GSE1: variants seen among roughly 807,000 people sequenced by gnomAD.
GSE1 encodes the protein genetic suppressor element 1.
GSE1 carries 32 observed loss-of-function variants against 112.6 expected under a neutral mutation model. The ratio of observed to expected loss-of-function variants is 0.28; its 90% CI spans 0.21 to 0.38. The LOEUF (loss-of-function observed/expected upper bound fraction) is 0.38, where lower values mean the gene tolerates loss of function less well. Among genes scored for constraint, GSE1 ranks in the 10% least tolerant of loss-of-function variants. GSE1 has a pLI of 1.00. For synonymous variants in GSE1, 1,115 were observed against 735.6 expected (o/e 1.52, Z -8.35); for missense variants, 2,348 against 1,699.2 (o/e 1.38, Z -6.71).
chr16:85,354,075 CTT>C (rs1458765481), intron 1 of GSE1, among the ~76,000 whole-genome samples: 1 of 152,236 alleles, frequency 6.6e-6, no homozygotes, highest in Non-Finnish European at 1.5e-5. Flanking sequence ...TGAAGGCCCA[CTT>C]CACATTCCAG....
intron 1 of GSE1, among the ~76,000 whole-genome samples, chr16:85,322,539 C>G (rs2046130603): frequency 6.6e-6 from 1 of 151,662 alleles, no homozygotes; most frequent in African/African-American, 2.4e-5. Context: ...TTCAGGACCT[C>G]TCTGCCGTGC....
chr16:85,672,470 C>G lies in GSE1; in HGVS notation c.3585C>G (p.His1195Gln). ...ERERLQAELD[H>Q]LRKCLALPAM... ...AGCGGCTCCAGGCAGAACTGGACCACTTACGAAAGTGCCTTGCCTTGCCTG... is the reference window on the plus strand; with the variant it reads ...AGCGGCTCCAGGCAGAACTGGACCAGTTACGAAAGTGCCTTGCCTTGCCTG... Residue 1195 changes from histidine to glutamine, a missense_variant, in exon 16 of 16, where the codon CAC becomes CAG. Coordinates refer to ENST00000253458, the MANE Select transcript of GSE1 (RefSeq NM_014615.5). 3 of 1,611,216 alleles carry G rather than the reference C, an allele frequency of 1.9e-6. No homozygotes were observed. The highest frequency in any genetic ancestry group is 1.7e-4 in the Middle Eastern group (1 of 6,054).
chr16:85,647,298 C>T (rs1351970180), intron 2 of GSE1, among the ~76,000 whole-genome samples: 1 of 152,204 alleles, frequency 6.6e-6, no homozygotes, highest in Non-Finnish European at 1.5e-5. Context: ...CACCCATTCT[C>T]CCATCCCTGC....
At chr16:85,270,720 C>T (rs60800614) in intron 1 of GSE1, among the ~76,000 whole-genome samples, 17,428 of 127,338 alleles carry the variant, frequency 0.14, 3,175 homozygotes, top group African/African-American at 0.38. Flanking sequence ...CTCAGAAGCC[C>T]AGCTCCCGCC....
chr16:85,293,322 C>T (rs2930226), intron 1 of GSE1, among the ~76,000 whole-genome samples: 2,892 of 152,132 alleles, frequency 0.019, 69 homozygotes, highest in African/African-American at 0.065. Flanking sequence ...GAGGCGGGTG[C>T]ATCACTTGAA....
intron 1 of GSE1, among the ~76,000 whole-genome samples, chr16:85,270,794 A>G (rs2144177944): frequency 6.6e-6 from 1 of 152,214 alleles, no homozygotes; most frequent in Middle Eastern, 3.4e-3. Context: ...AGGTCTCGCC[A>G]TCCACTCGGG....
At chr16:85,219,528 C>G (rs1407064642) in intron 1 of GSE1, among the ~76,000 whole-genome samples, 1 of 152,096 alleles carries the variant, frequency 6.6e-6, no homozygotes, top group Non-Finnish European at 1.5e-5. Flanking sequence ...CCACCTTGCA[C>G]TCTCTAGAAA....
chr16:85,454,523 C>T (rs1033060954), intron 2 of GSE1, among the ~76,000 whole-genome samples: 2 of 152,190 alleles, frequency 1.3e-5, no homozygotes, highest in African/African-American at 4.8e-5. Context: ...GGGCAGATGC[C>T]GGATGAGTTT....
chr16:85,267,466 G>C (rs1345646331), intron 1 of GSE1, among the ~76,000 whole-genome samples: 5 of 152,136 alleles, frequency 3.3e-5, no homozygotes, highest in African/African-American at 9.7e-5. Context: ...GACCGTGGGG[G>C]GTGGGGGAAT....
chr16:85,445,768 C>G (rs1023092150), intron 2 of GSE1, among the ~76,000 whole-genome samples: 1 of 152,188 alleles, frequency 6.6e-6, no homozygotes, highest in Non-Finnish European at 1.5e-5. Context: ...TGGTGGGTGG[C>G]TGGCCTGCTC....
At chr16:85,214,530 G>A (rs1038060845) in intron 1 of GSE1, among the ~76,000 whole-genome samples, 3 of 152,170 alleles carry the variant, frequency 2.0e-5, no homozygotes, top group Non-Finnish European at 2.9e-5. Context: ...CAGAGGCAGC[G>A]CGGCCCAGCC....
At chr16:85,657,766 A>G (rs1328763216) in intron 8 of GSE1, among the ~76,000 whole-genome samples, 162 bp downstream of exon 8, 2 of 152,134 alleles carry the variant, frequency 1.3e-5, no homozygotes, top group Admixed American at 6.5e-5. Flanking sequence ...TGTCTTGCCT[A>G]TGGGGAAGCT....
At chr16:85,274,428 A>C (rs1441670576) in intron 1 of GSE1, among the ~76,000 whole-genome samples, 1 of 152,192 alleles carries the variant, frequency 6.6e-6, no homozygotes, top group Non-Finnish European at 1.5e-5. Context: ...AAAAGAGGGA[A>C]AGAGTGTATT....
chr16:85,206,146 G>A (rs979865669), intron 1 of GSE1, among the ~76,000 whole-genome samples: 1 of 151,962 alleles, frequency 6.6e-6, no homozygotes, highest in Admixed American at 6.5e-5. Context: ...TGAACGATAA[G>A]GGGGAGTGAA....
chr16:85,268,912 C>T (rs1351955930), intron 1 of GSE1, among the ~76,000 whole-genome samples: 1 of 149,848 alleles, frequency 6.7e-6, no homozygotes, highest in Non-Finnish European at 1.5e-5. Context: ...GAGGGGGGAC[C>T]AGGGGGCTAG....
At chr16:85,184,001 C>T (rs2074649472) in intron 1 of GSE1, among the ~76,000 whole-genome samples, 1 of 152,224 alleles carries the variant, frequency 6.6e-6, no homozygotes, top group South Asian at 2.1e-4. Context: ...TTTCTGTGGC[C>T]TTACTTATCA....
chr16:85,246,348 T>TACAC lies in GSE1; in HGVS notation c.2283+74558_2283+74561dup, dbSNP rs375723620. On this transcript the variant is annotated intron_variant, in intron 1 of 2. Coordinates refer to the GSE1 transcript ENST00000637419. Reference sequence around the variant, plus strand: ...ACACACACACCCCCCACACGCTGTCTACACACACACACACACACACCACAC... The same window carrying TACAC: ...ACACACACACCCCCCACACGCTGTCTACACACACACACACACACACACACCACAC... 6.6e-4 allele frequency among the ~76,000 whole-genome samples: 41 copies of TACAC among 61,708 alleles called. 1 individual carries two copies. The highest frequency in any genetic ancestry group is 3.4e-3 in the East Asian group (9 of 2,618). 40.5% of individuals were successfully genotyped at this position (61,708 alleles called of 152,430 possible).
exon 1 of GSE1, chr16:85,169,788 C>G: frequency 1.0e-6 from 1 of 984,216 alleles, no homozygotes; most frequent in Non-Finnish European, 1.2e-6. Flanking sequence ...TGGTGTGCGC[C>G]GTGTGCCGCT....
At chr16:85,647,176 G>A (rs1010382622) in intron 2 of GSE1, among the ~76,000 whole-genome samples, 4 of 152,196 alleles carry the variant, frequency 2.6e-5, no homozygotes, top group Admixed American at 1.3e-4. Flanking sequence ...GGCCCTGCCC[G>A]TCCATGCCCC....
Sources: allele counts gnomAD v4.1 joint callset (sites outside exome capture counted in the v4.1 genomes callset), GRCh38; gene constraint gnomAD v4.1.1; transcripts MANE v1.5; gene names NCBI Gene and HGNC (gene_info 2026-07-23, HGNC 2026-07-21).